EYA4: variants seen among roughly 807,000 people sequenced by gnomAD.
The protein encoded by EYA4 is protein phosphatase EYA4.
A neutral mutation model predicts 87.9 loss-of-function variants in EYA4; 31 were observed. The observed-to-expected ratio is 0.35, with a 90% CI of 0.27 to 0.48. The LOEUF (loss-of-function observed/expected upper bound fraction) is 0.48. Among genes scored for constraint, EYA4 ranks in the 20% least tolerant of loss-of-function variants. The probability of loss-of-function intolerance (pLI) is 0.99; values close to 1 mark genes in which losing one functional copy is unlikely to be tolerated. For missense variants in EYA4, 678 were observed against 761.4 expected (o/e 0.89, Z 1.29); for synonymous variants, 263 against 270.6 (o/e 0.97, Z 0.28).
At chr6:133,345,263 G>C (rs1440893184) in intron 2 of EYA4, among the ~76,000 whole-genome samples, 2 of 152,124 alleles carry the variant, frequency 1.3e-5, no homozygotes, top group South Asian at 4.1e-4. Context: ...TACTGCAGCT[G>C]TTATGTGGAG....
chr6:133,405,684 G>T (rs1441076806), intron 3 of EYA4, among the ~76,000 whole-genome samples: 3 of 152,138 alleles, frequency 2.0e-5, no homozygotes, highest in Non-Finnish European at 4.4e-5. Context: ...TTACATTCCA[G>T]TGGAGAGAGG....
chr6:133,284,294 G>T (rs1046931880), intron 2 of EYA4, among the ~76,000 whole-genome samples: 4 of 152,086 alleles, frequency 2.6e-5, no homozygotes, highest in African/African-American at 9.7e-5. Flanking sequence ...TCAGCCCCCC[G>T]AGTAGAGTAA....
rs1022920312 is a variant in EYA4, at chr6:133,476,628, C to A, written c.971-4835C>A. Among the ~76,000 whole-genome samples the A allele has an allele frequency of 2.0e-5, 3 of 152,216 alleles. No individual in the cohort carries two copies. The East Asian group carries it at 5.8e-4, about 29-fold the overall frequency. ...ATTATTCCATAATGTACATATACCA[C>A]ATTTCCTTTGTCCGTTTATCCATTG... On this transcript the variant is annotated intron_variant, in intron 11 of 19. Transcript: ENST00000355286.
intron 13 of EYA4, among the ~76,000 whole-genome samples, chr6:133,485,437 A>G (rs1312090153): frequency 6.6e-6 from 1 of 150,678 alleles, no homozygotes. Context: ...TCTCAAAGCT[A>G]TAGATGAGGA....
At chr6:133,278,839 A>G (rs1405326372) in intron 2 of EYA4, among the ~76,000 whole-genome samples, 2 of 152,176 alleles carry the variant, frequency 1.3e-5, no homozygotes, top group South Asian at 2.1e-4. Flanking sequence ...GAGCTTCATA[A>G]TTCTTTAGAA....
At chr6:133,392,376 T>C (rs1420588625) in intron 3 of EYA4, among the ~76,000 whole-genome samples, 1 of 152,008 alleles carries the variant, frequency 6.6e-6, no homozygotes, top group East Asian at 1.9e-4. Context: ...CAGTCAGCAA[T>C]CAATAACCTA....
intron 2 of EYA4, among the ~76,000 whole-genome samples, chr6:133,283,216 C>G (rs1052237676): frequency 6.6e-6 from 1 of 151,982 alleles, no homozygotes; most frequent in Non-Finnish European, 1.5e-5. Flanking sequence ...ATTGCTTGAA[C>G]CCGGGAAGCG....
intron 2 of EYA4, among the ~76,000 whole-genome samples, chr6:133,380,917 CCTTCCTTTTTCCTCCTCCTTT>C (rs1002124316): frequency 7.0e-6 from 1 of 143,396 alleles, no homozygotes; most frequent in African/African-American, 2.6e-5. Flanking sequence ...TTACTTCCTT[CCTTCCTTTTTCCTCCTCCTTT>C]CTTCCTCTTC....
chr6:133,430,704 C>G (rs1218719345), intron 3 of EYA4, among the ~76,000 whole-genome samples: 2 of 152,132 alleles, frequency 1.3e-5, no homozygotes, highest in Non-Finnish European at 2.9e-5. Flanking sequence ...GTAACTAAGT[C>G]TAACTAGGTA....
intron 2 of EYA4, among the ~76,000 whole-genome samples, chr6:133,313,422 T>C (rs1392970218): frequency 6.6e-6 from 1 of 152,214 alleles, no homozygotes; most frequent in Non-Finnish European, 1.5e-5. Context: ...ATTTAACATT[T>C]ATTGCCTTTA....
At chr6:133,323,179 A>C (rs1455905076) in intron 2 of EYA4, among the ~76,000 whole-genome samples, 1 of 152,082 alleles carries the variant, frequency 6.6e-6, no homozygotes, top group Non-Finnish European at 1.5e-5. Flanking sequence ...TCCCCAAGCC[A>C]ACATAATTCT....
At chr6:133,507,456 G>A (rs758967550) in intron 14 of EYA4, 1 of 151,954 alleles carries the variant, frequency 6.6e-6, no homozygotes, top group Admixed American at 6.6e-5. Flanking sequence ...TACACATGCT[G>A]TGGTGGTTTG....
chr6:133,427,142 C>T (rs1448074110), intron 3 of EYA4, among the ~76,000 whole-genome samples: 1 of 152,204 alleles, frequency 6.6e-6, no homozygotes, highest in Non-Finnish European at 1.5e-5. Context: ...AAATAATCCT[C>T]ATTTCCTCGG....
intron 1 of EYA4, among the ~76,000 whole-genome samples, chr6:133,254,892 A>G (rs1196269221): frequency 1.3e-5 from 2 of 152,182 alleles, no homozygotes; most frequent in African/African-American, 4.8e-5. Flanking sequence ...TCCCAACTCT[A>G]CATCTTACCA....
intron 1 of EYA4, among the ~76,000 whole-genome samples, chr6:133,263,987 A>G (rs1210571344): frequency 6.6e-6 from 1 of 152,194 alleles, no homozygotes; most frequent in Non-Finnish European, 1.5e-5. Flanking sequence ...TAGGGATTTA[A>G]AGCAGTAGGG....
At chr6:133,331,392 A>C (rs1389818794) in intron 2 of EYA4, among the ~76,000 whole-genome samples, 1 of 152,164 alleles carries the variant, frequency 6.6e-6, no homozygotes, top group Non-Finnish European at 1.5e-5. Context: ...TTAAGGACCT[A>C]CTGATGCCTA....
At chr6:133,280,725 T>C (rs1216450250) in intron 2 of EYA4, among the ~76,000 whole-genome samples, 1 of 152,172 alleles carries the variant, frequency 6.6e-6, no homozygotes, top group Non-Finnish European at 1.5e-5. Context: ...GTCATTCTCA[T>C]ACAATACAGC....
At chr6:133,356,917 G>T (rs967714643) in intron 2 of EYA4, among the ~76,000 whole-genome samples, 1 of 151,180 alleles carries the variant, frequency 6.6e-6, no homozygotes, top group South Asian at 2.1e-4. Context: ...ATTCTTTTTG[G>T]CTAATCTGAG....
intron 1 of EYA4, among the ~76,000 whole-genome samples, chr6:133,270,797 T>A (rs1336347133): frequency 6.6e-6 from 1 of 152,190 alleles, no homozygotes; most frequent in Non-Finnish European, 1.5e-5. Flanking sequence ...CCATGCATAC[T>A]CTTCCTTACC....
Sources: gnomAD v4.1 joint callset for allele counts (sites outside exome capture counted in the v4.1 genomes callset) on GRCh38, gnomAD v4.1.1 for gene constraint, MANE v1.5 for transcripts, NCBI Gene and HGNC (gene_info 2026-07-23, HGNC 2026-07-21) for gene names.